The following CCDC50 variants were observed in gnomAD, a reference collection of about 807,000 sequenced individuals.
CCDC50 encodes coiled-coil domain-containing protein 50.
In CCDC50, 54 loss-of-function variants were observed where a neutral mutation model predicts 70.2. That is an observed-to-expected ratio of 0.77 (90% confidence interval 0.62 to 0.96). The LOEUF (loss-of-function observed/expected upper bound fraction) is 0.96, where lower values mean the gene tolerates loss of function less well. CCDC50 is among the 50% of genes least tolerant of loss of function. The probability of loss-of-function intolerance (pLI) is 0.00; values close to 1 mark genes in which losing one functional copy is unlikely to be tolerated. For synonymous variants in CCDC50, 216 were observed against 198.8 expected (o/e 1.09, Z -0.73); for missense variants, 558 against 578.7 (o/e 0.96, Z 0.37).
intron 5 of CCDC50, among the ~76,000 whole-genome samples, chr3:191,372,825 T>C (rs1378707160): frequency 6.6e-6 from 1 of 152,138 alleles, no homozygotes; most frequent in Non-Finnish European, 1.5e-5. Context: ...TTTGGAGTCA[T>C]AGGACTGTGG....
intron 1 of CCDC50, among the ~76,000 whole-genome samples, chr3:191,352,804 A>T (rs1712146805): frequency 7.1e-6 from 1 of 141,630 alleles, no homozygotes; most frequent in East Asian, 1.9e-4. Flanking sequence ...GAGAATGGGG[A>T]TAGGGTTCTA....
intron 1 of CCDC50, among the ~76,000 whole-genome samples, chr3:191,341,491 TA>T (rs1056754018): frequency 7.9e-5 from 12 of 152,150 alleles, no homozygotes; most frequent in Admixed American, 1.3e-4. Context: ...CTTAAACACT[TA>T]AAAAAATTCA....
At chr3:191,368,722 A>G (rs1712789865) in intron 4 of CCDC50, among the ~76,000 whole-genome samples, 1 of 152,170 alleles carries the variant, frequency 6.6e-6, no homozygotes. Context: ...AACGATAAAT[A>G]TAAAGAAGTA....
intron 1 of CCDC50, 24 bp downstream of exon 1, chr3:191,329,747 C>T: frequency 3.7e-6 from 6 of 1,602,146 alleles, no homozygotes; most frequent in Non-Finnish European, 5.1e-6. Context: ...AGGGAGAGCG[C>T]GCGGGACCCT....
intron 10 of CCDC50, among the ~76,000 whole-genome samples, chr3:191,385,352 A>T (rs146209078): frequency 7.2e-5 from 11 of 152,320 alleles, no homozygotes; most frequent in African/African-American, 2.6e-4. Context: ...TTTCATAGCC[A>T]TTCTAATTGT....
At chr3:191,347,259 A>G (rs1189044258) in intron 1 of CCDC50, among the ~76,000 whole-genome samples, 1 of 141,580 alleles carries the variant, frequency 7.1e-6, no homozygotes, top group Non-Finnish European at 1.6e-5. Context: ...GTGTTTTTCC[A>G]TTCACCTTAT....
chr3:191,347,535 TAAC>T lies in CCDC50; in HGVS notation c.50-9551_50-9549del, dbSNP rs765695768. Reference sequence around the variant, plus strand: ...TTTTCTTGATTCTGAGCTCTAATCTTAACAGTGCCACTCATTTAACTATGCGAT... The same window carrying T: ...TTTTCTTGATTCTGAGCTCTAATCTTAGTGCCACTCATTTAACTATGCGAT... On this transcript the variant is annotated intron_variant, in intron 1 of 11. Coordinates refer to ENST00000392455, the MANE Select transcript of CCDC50 (RefSeq NM_178335.3). Among the ~76,000 whole-genome samples, 8 of 142,476 alleles carry T rather than the reference TAAC, an allele frequency of 5.6e-5. 1 individual carries two copies. The highest frequency in any genetic ancestry group is 3.5e-3 in the Middle Eastern group (1 of 282). The allele number at this position is 142,476 out of a possible 152,430, so 93.5% of individuals were successfully genotyped here.
intron 4 of CCDC50, among the ~76,000 whole-genome samples, chr3:191,362,500 T>C (rs1165839290): frequency 6.6e-6 from 1 of 152,236 alleles, no homozygotes; most frequent in African/African-American, 2.4e-5. Flanking sequence ...ACACCTGTTA[T>C]GCTGTACTTG....
intron 5 of CCDC50, among the ~76,000 whole-genome samples, chr3:191,372,469 C>A (rs1202264522): frequency 2.6e-5 from 4 of 152,162 alleles, no homozygotes; most frequent in African/African-American, 9.7e-5. Flanking sequence ...CTCATATTTA[C>A]AAAATAATCC....
At chr3:191,390,313 A>G (rs1318889493) in intron 11 of CCDC50, among the ~76,000 whole-genome samples, 1 of 151,164 alleles carries the variant, frequency 6.6e-6, no homozygotes, top group Non-Finnish European at 1.5e-5. Flanking sequence ...GAAAAATGGA[A>G]CAAAGCATAA....
intron 1 of CCDC50, among the ~76,000 whole-genome samples, chr3:191,342,554 G>A (rs1277822344): frequency 6.6e-6 from 1 of 152,150 alleles, no homozygotes; most frequent in Non-Finnish European, 1.5e-5. Context: ...GTGTAAACTT[G>A]TACTTAAGCT....
chr3:191,357,614 A>G (rs779898588), intron 2 of CCDC50, among the ~76,000 whole-genome samples: 6 of 152,240 alleles, frequency 3.9e-5, no homozygotes, highest in Non-Finnish European at 5.9e-5. Flanking sequence ...TAAAGTACAT[A>G]CTTGTGAATA....
intron 5 of CCDC50, 55 bp from the exon 6 acceptor site, chr3:191,375,007 C>T: frequency 6.4e-7 from 1 of 1,560,768 alleles, no homozygotes; most frequent in Non-Finnish European, 8.8e-7. Context: ...GAGTTCATAA[C>T]TCTCATTAAA....
At chr3:191,369,415 A>AATTTG (rs1712818711) in intron 4 of CCDC50, among the ~76,000 whole-genome samples, 1 of 152,228 alleles carries the variant, frequency 6.6e-6, no homozygotes, top group African/African-American at 2.4e-5. Flanking sequence ...GACTGCTAAA[A>AATTTG]ATTTGCCTGG....
chr3:191,358,487 C>T (rs1396804155), intron 3 of CCDC50, among the ~76,000 whole-genome samples: 1 of 152,168 alleles, frequency 6.6e-6, no homozygotes, highest in African/African-American at 2.4e-5. Context: ...AAATAGTGGA[C>T]ATCAAATAAC....
rs1452466099 is a variant in CCDC50, at chr3:191,392,162, A to G, written c.*402A>G. On this transcript the variant is annotated 3_prime_UTR_variant, in exon 12 of 12. Coordinates refer to ENST00000392455, the MANE Select transcript of CCDC50 (RefSeq NM_178335.3). The stretch of plus-strand genomic sequence containing the variant: ...AACGCAGAATAAAAGAATATAAGAA[A>G]TAGCTTTTTGTTGCATTAATGTATG... 5.8e-6 allele frequency: 1 copy of G among 171,570 alleles called. No individual in the cohort carries two copies. The highest frequency in any genetic ancestry group is 1.3e-5 in the Non-Finnish European group (1 of 79,156). 10.6% of individuals were successfully genotyped at this position (171,570 alleles called of 1,614,324 possible). A position where few individuals can be genotyped will look rare whatever the true frequency, so the allele number is the denominator to read the frequency against.
chr3:191,365,073 T>C (rs955610632), intron 4 of CCDC50, among the ~76,000 whole-genome samples: 3 of 143,642 alleles, frequency 2.1e-5, no homozygotes, highest in African/African-American at 7.7e-5. Context: ...TGTGTGTACT[T>C]ATGTGCATGA....
chr3:191,377,516 A>G (rs914574887), intron 6 of CCDC50, among the ~76,000 whole-genome samples: 4 of 152,152 alleles, frequency 2.6e-5, no homozygotes, highest in African/African-American at 9.7e-5. Context: ...TAAATTCTTA[A>G]TGGCTCATCA....
intron 1 of CCDC50, among the ~76,000 whole-genome samples, chr3:191,337,598 C>T (rs1022008336): frequency 1.3e-5 from 2 of 152,024 alleles, no homozygotes; most frequent in Non-Finnish European, 2.9e-5. Flanking sequence ...CCATCTCGGC[C>T]TCCCAAAGTG....
Sources: allele counts gnomAD v4.1 joint callset (sites outside exome capture counted in the v4.1 genomes callset), GRCh38; gene constraint gnomAD v4.1.1; transcripts MANE v1.5; gene names NCBI Gene and HGNC (gene_info 2026-07-23, HGNC 2026-07-21).